The following DIP2C variants were observed in gnomAD, a reference collection of about 807,000 sequenced individuals.
The protein encoded by DIP2C is disco-interacting protein 2 homolog C.
DIP2C carries 33 observed loss-of-function variants against 192.4 expected under a neutral mutation model. That is an observed-to-expected ratio of 0.17 (90% CI 0.13 to 0.23). The LOEUF (loss-of-function observed/expected upper bound fraction) is 0.23. DIP2C is among the 10% of genes least tolerant of loss of function. The pLI, the probability that DIP2C is intolerant of heterozygous loss-of-function variation, is 1.00. For synonymous variants in DIP2C, 979 were observed against 864.1 expected, an observed-to-expected ratio of 1.13 and a Z score of -2.33; for missense variants, 1,537 against 2,110.1, an observed-to-expected ratio of 0.73 and a Z score of 5.32.
Position 335,582 on chromosome 10 carries a change from A to T in DIP2C, c.3584+5617T>A, listed in dbSNP as rs114119587. The stretch of plus-strand genomic sequence containing the variant: ...ACCAGGCTTTGGGAAGATTCTAGGC[A>T]GGTGCATTGTCCAATCAGTCCCCTA... On this transcript the variant is annotated intron_variant, in intron 29 of 36. Coordinates refer to ENST00000280886, the MANE Select transcript of DIP2C (RefSeq NM_014974.3). Among the ~76,000 whole-genome samples the T allele has an allele frequency of 6.3e-3, 966 of 152,348 alleles. 5 individuals are homozygous for T. The highest frequency in any genetic ancestry group is 8.1e-3 in the Non-Finnish European group (549 of 68,026).
At chr10:389,550 G>C (rs1042177651) in intron 13 of DIP2C, among the ~76,000 whole-genome samples, 7 of 152,206 alleles carry the variant, frequency 4.6e-5, no homozygotes, top group African/African-American at 1.7e-4. Flanking sequence ...TGCACCCAGG[G>C]ATGAAGCTCC....
intron 1 of DIP2C, among the ~76,000 whole-genome samples, chr10:502,749 T>G (rs1845326348): frequency 2.0e-5 from 3 of 152,104 alleles, no homozygotes. Context: ...AAAAAACACT[T>G]AGGTATACAT....
chr10:674,789 TAGAGAGAGAG>T (rs1554772102), intron 1 of DIP2C, among the ~76,000 whole-genome samples: 23 of 62,486 alleles, frequency 3.7e-4, no homozygotes, highest in Admixed American at 2.0e-3. Flanking sequence ...TATATATATA[TAGAGAGAGAG>T]AGAGAGAGAG....
At chr10:497,080 T>TGC (rs1338820514) in intron 1 of DIP2C, among the ~76,000 whole-genome samples, 1 of 152,096 alleles carries the variant, frequency 6.6e-6, no homozygotes, top group Non-Finnish European at 1.5e-5. Context: ...GCTGAGATCG[T>TGC]GCCACTGCAC....
chr10:482,199 A>G (rs1020815244), intron 2 of DIP2C, among the ~76,000 whole-genome samples: 3 of 152,218 alleles, frequency 2.0e-5, no homozygotes. Flanking sequence ...CGGGAGGGAC[A>G]GCGGCGTGGC....
intron 17 of DIP2C, among the ~76,000 whole-genome samples, chr10:375,022 A>T (rs142840940): frequency 2.0e-5 from 3 of 152,362 alleles, no homozygotes; most frequent in Admixed American, 2.0e-4. Context: ...AAGGAGGCAG[A>T]GTCCTCTCTT....
At chr10:580,913 G>A (rs1850604994) in intron 1 of DIP2C, among the ~76,000 whole-genome samples, 1 of 152,156 alleles carries the variant, frequency 6.6e-6, no homozygotes, top group Non-Finnish European at 1.5e-5. Flanking sequence ...GACTCACGAT[G>A]AAGCACTCCT....
chr10:594,163 A>G (rs1421033790), intron 1 of DIP2C, among the ~76,000 whole-genome samples: 1 of 152,132 alleles, frequency 6.6e-6, no homozygotes, highest in Non-Finnish European at 1.5e-5. Flanking sequence ...ACTGGGAGAG[A>G]ACGGCCAGAC....
At chr10:645,280 G>A (rs914863651) in intron 1 of DIP2C, among the ~76,000 whole-genome samples, 7 of 152,164 alleles carry the variant, frequency 4.6e-5, no homozygotes, top group Non-Finnish European at 8.8e-5. Flanking sequence ...GTCTTGTCTT[G>A]AAAAGTCTAT....
intron 26 of DIP2C, among the ~76,000 whole-genome samples, chr10:347,863 G>A (rs1161656244): frequency 1.9e-5 from 2 of 103,422 alleles, no homozygotes; most frequent in Non-Finnish European, 4.1e-5. Context: ...CAGACGCGTC[G>A]CGCATAGCTC....
At chr10:574,040 T>C (rs1174569616) in intron 1 of DIP2C, among the ~76,000 whole-genome samples, 1 of 152,200 alleles carries the variant, frequency 6.6e-6, no homozygotes, top group East Asian at 1.9e-4. Flanking sequence ...ATTAAGTATC[T>C]TGCAAGGGAG....
intron 1 of DIP2C, among the ~76,000 whole-genome samples, chr10:514,432 GTCT>G (rs896899569): frequency 2.0e-5 from 3 of 152,186 alleles, no homozygotes; most frequent in African/African-American, 7.2e-5. Context: ...AGTTCCAGGC[GTCT>G]TCTTTGTCCG....
At chr10:348,393 C>T (rs1958624347) in intron 26 of DIP2C, among the ~76,000 whole-genome samples, 1 of 152,164 alleles carries the variant, frequency 6.6e-6, no homozygotes, top group African/African-American at 2.4e-5. Flanking sequence ...TCTTGGGAGC[C>T]GTTTTCTCCA....
intron 32 of DIP2C, among the ~76,000 whole-genome samples, chr10:301,411 T>C (rs760822732): frequency 4.6e-5 from 7 of 151,578 alleles, no homozygotes; most frequent in Non-Finnish European, 1.0e-4. Context: ...CTGGGGAAGG[T>C]GGAGGGGGTC....
chr10:369,806 G>T, intron 17 of DIP2C, 173 bp from the exon 18 acceptor site: 1 of 1,327,380 alleles, frequency 7.5e-7, no homozygotes, highest in Middle Eastern at 2.6e-4. Flanking sequence ...TTCTGTTTAT[G>T]AACAGCTGGC....
At chr10:314,230 C>T (rs1382721530) in intron 31 of DIP2C, among the ~76,000 whole-genome samples, 1 of 152,194 alleles carries the variant, frequency 6.6e-6, no homozygotes, top group Non-Finnish European at 1.5e-5. Context: ...GATGTACTCC[C>T]AGTGATCTTT....
At position 488,297 on chromosome 10, in the gene DIP2C, C is replaced by T. The variant is rs1174384177; in HGVS notation, c.86-1767G>A. 3.3e-5 allele frequency among the ~76,000 whole-genome samples: 5 copies of T among 152,318 alleles called. No individual in the cohort carries two copies. In the East Asian group the frequency reaches 5.8e-4, roughly 18 times the overall value. ...CTTCTGGAGACACGCTCTGTGCTCA[C>T]GGCCTGCTCCTTGCCGAGCTGCAAG... On this transcript the variant is annotated intron_variant, in intron 1 of 36. Transcript: ENST00000280886.
intron 4 of DIP2C, among the ~76,000 whole-genome samples, chr10:434,887 G>T (rs1430309458): frequency 6.6e-6 from 1 of 152,086 alleles, no homozygotes; most frequent in Admixed American, 6.5e-5. Context: ...TGGTTTCTTT[G>T]TTGGGGTTTT....
chr10:306,246 G>A (rs1956315934), intron 32 of DIP2C, among the ~76,000 whole-genome samples: 1 of 151,832 alleles, frequency 6.6e-6, no homozygotes, highest in African/African-American at 2.4e-5. Flanking sequence ...TGCTCTCCAT[G>A]GTGACCTGTC....
Sources: allele counts gnomAD v4.1 joint callset (sites outside exome capture counted in the v4.1 genomes callset), GRCh38; gene constraint gnomAD v4.1.1; transcripts MANE v1.5; gene names NCBI Gene and HGNC (gene_info 2026-07-23, HGNC 2026-07-21).